The following KIF16B variants were observed in gnomAD, a reference collection of about 807,000 sequenced individuals.
KIF16B encodes the protein kinesin-like protein KIF16B.
A neutral mutation model predicts 156.3 loss-of-function variants in KIF16B; 98 were observed. The observed-to-expected ratio is 0.63, with a 90% CI of 0.53 to 0.74. The LOEUF is 0.74. KIF16B is among the 30% of genes least tolerant of loss of function. The pLI, the probability that KIF16B is intolerant of heterozygous loss-of-function variation, is 0.00. For missense variants in KIF16B, 1,421 were observed against 1,606.5 expected, an observed-to-expected ratio of 0.88 and a Z score of 1.97; for synonymous variants, 564 against 583.7, an observed-to-expected ratio of 0.97 and a Z score of 0.49.
chr20:16,498,276 C>G (rs1426583055), intron 10 of KIF16B, among the ~76,000 whole-genome samples: 1 of 152,098 alleles, frequency 6.6e-6, no homozygotes, highest in Non-Finnish European at 1.5e-5. Flanking sequence ...CGGAATCAGG[C>G]TGGGGCTTAA....
intron 22 of KIF16B, among the ~76,000 whole-genome samples, chr20:16,369,677 T>C (rs990657913): frequency 3.9e-5 from 6 of 152,228 alleles, no homozygotes; most frequent in East Asian, 1.9e-4. Context: ...GAAAATCAGA[T>C]GGCAAGGCCA....
intron 25 of KIF16B, among the ~76,000 whole-genome samples, chr20:16,286,527 G>A (rs552103035): frequency 2.8e-4 from 43 of 152,254 alleles, no homozygotes; most frequent in African/African-American, 9.1e-4. Context: ...AGCTGAGAGA[G>A]GTTGGATTAG....
intron 1 of KIF16B, among the ~76,000 whole-genome samples, chr20:16,532,970 G>C (rs905052487): frequency 6.6e-6 from 1 of 152,126 alleles, no homozygotes; most frequent in African/African-American, 2.4e-5. Flanking sequence ...TAACCTGCAG[G>C]TAACCAGGGC....
intron 17 of KIF16B, among the ~76,000 whole-genome samples, chr20:16,392,419 AG>A (rs2146174678): frequency 6.6e-6 from 1 of 152,328 alleles, no homozygotes; most frequent in East Asian, 1.9e-4. Flanking sequence ...GGCTGGTTTA[AG>A]GAAAGAAACA....
At chr20:16,297,569 A>G (rs1184442525) in intron 25 of KIF16B, among the ~76,000 whole-genome samples, 2 of 151,560 alleles carry the variant, frequency 1.3e-5, no homozygotes, top group African/African-American at 2.4e-5. Flanking sequence ...GGTGGCGGGC[A>G]CCTGTAGTCC....
At chr20:16,396,579 C>CA (rs1186964434) in intron 17 of KIF16B, among the ~76,000 whole-genome samples, 1 of 148,364 alleles carries the variant, frequency 6.7e-6, no homozygotes, top group African/African-American at 2.5e-5. Context: ...GAGGCAGAGA[C>CA]AGAGAGATGG....
At chr20:16,419,008 A>C (rs2066160296) in intron 15 of KIF16B, among the ~76,000 whole-genome samples, 1 of 151,978 alleles carries the variant, frequency 6.6e-6, no homozygotes, top group Non-Finnish European at 1.5e-5. Flanking sequence ...TGTGCATCAG[A>C]ATCACAGACA....
At chr20:16,465,818 CTTCT>C (rs2067474817) in intron 12 of KIF16B, among the ~76,000 whole-genome samples, 1 of 151,932 alleles carries the variant, frequency 6.6e-6, no homozygotes, top group South Asian at 2.1e-4. Flanking sequence ...CAAATAATTC[CTTCT>C]TTATTTCTCT....
At position 16,379,079 on chromosome 20, in the gene KIF16B, A is replaced by G; in HGVS notation, c.2923T>C (p.Phe975Leu). 1.9e-6 allele frequency: 3 copies of G among 1,612,044 alleles called. No homozygotes were observed. The highest frequency in any genetic ancestry group is 2.5e-6 in the Non-Finnish European group (3 of 1,178,718). ...TCCTGACGTGCAATGTTGGCAGTGA[A>G]TTCAAAGGTGGCTTGGAGCTTTTGC... ...QLQKLQATFE[F>L]TANIARQEEK... The change falls in exon 19 of 26, where the codon TTC becomes CTC. Residue 975 changes from phenylalanine (F) to leucine (L), a missense_variant. Phe to Leu is a conservative substitution (Grantham distance 22). Transcript: ENST00000354981.
intron 24 of KIF16B, among the ~76,000 whole-genome samples, chr20:16,326,929 A>T (rs2063860737): frequency 6.6e-6 from 1 of 151,666 alleles, no homozygotes; most frequent in South Asian, 2.1e-4. Flanking sequence ...ATCAGCCCAA[A>T]TGCCCATCAA....
intron 15 of KIF16B, among the ~76,000 whole-genome samples, chr20:16,413,570 A>G (rs887699186): frequency 5.1e-4 from 77 of 152,278 alleles, no homozygotes; most frequent in African/African-American, 1.8e-3. Context: ...CAAATACTAC[A>G]AACATATGAG....
chr20:16,389,563 C>G (rs757018099), intron 17 of KIF16B, among the ~76,000 whole-genome samples: 44 of 152,244 alleles, frequency 2.9e-4, no homozygotes, highest in African/African-American at 1.1e-3. Flanking sequence ...ACCTTTTCAC[C>G]ACACTACCAT....
chr20:16,368,456 C>G (rs1010418755), intron 22 of KIF16B: 2 of 986,170 alleles, frequency 2.0e-6, no homozygotes, highest in Non-Finnish European at 2.4e-6. Flanking sequence ...AGGCTTCTGA[C>G]GAATGTTGTT....
chr20:16,378,940 C>T lies in KIF16B; in HGVS notation c.3062G>A (p.Arg1021Lys), dbSNP rs145699653. The T allele has an allele frequency of 1.1e-5, 17 of 1,614,110 alleles. No individual in the cohort carries two copies. The African/African-American group carries it at 2.1e-4, about 20-fold the overall frequency. Reference sequence around the variant, plus strand: ...AATCTCCATGCCCAGGGTGGAGTGCCTCTGCAGCGCAGAATGTCTCCTCTC... The same window carrying T: ...AATCTCCATGCCCAGGGTGGAGTGCTTCTGCAGCGCAGAATGTCTCCTCTC... ...RLERRHSALQRHSTLGMEIEE... is the reference protein window; with the variant it reads ...RLERRHSALQKHSTLGMEIEE... The change falls in exon 19 of 26, where the codon AGG (arginine) becomes AAG (lysine). Residue 1021 changes from arginine (R) to lysine (K), a missense_variant. Physicochemically the swap from Arg to Lys is conservative, Grantham distance 26. Coordinates refer to ENST00000354981, the MANE Select transcript of KIF16B (RefSeq NM_024704.5).
intron 25 of KIF16B, among the ~76,000 whole-genome samples, chr20:16,283,921 G>A (rs2063184510): frequency 6.6e-6 from 1 of 152,174 alleles, no homozygotes; most frequent in Admixed American, 6.5e-5. Context: ...CTGACTCTCA[G>A]CAAGGGGCTG....
intron 23 of KIF16B, among the ~76,000 whole-genome samples, chr20:16,351,916 C>G (rs2064346034): frequency 3.9e-5 from 6 of 152,234 alleles, no homozygotes; most frequent in African/African-American, 7.2e-5. Flanking sequence ...CATATCCATA[C>G]AGTGGGATGC....
intron 12 of KIF16B, among the ~76,000 whole-genome samples, chr20:16,447,917 G>A (rs2066977615): frequency 6.6e-6 from 1 of 152,112 alleles, no homozygotes; most frequent in Non-Finnish European, 1.5e-5. Flanking sequence ...TCTAGCCTGG[G>A]CAACACAGCA....
At chr20:16,310,021 C>T (rs370698070) in intron 25 of KIF16B, among the ~76,000 whole-genome samples, 3 of 152,248 alleles carry the variant, frequency 2.0e-5, no homozygotes, top group East Asian at 1.9e-4. Context: ...TGAAAATAGT[C>T]GCAGGGAATT....
intron 12 of KIF16B, among the ~76,000 whole-genome samples, chr20:16,466,842 G>C (rs948874151): frequency 4.6e-5 from 7 of 152,126 alleles, no homozygotes; most frequent in African/African-American, 1.7e-4. Flanking sequence ...ATTGCCAGAA[G>C]CTCCATGTGG....
Sources: gnomAD v4.1 joint callset for allele counts (sites outside exome capture counted in the v4.1 genomes callset) on GRCh38, gnomAD v4.1.1 for gene constraint, MANE v1.5 for transcripts, NCBI Gene and HGNC (gene_info 2026-07-23, HGNC 2026-07-21) for gene names.